KRIT1: variants seen among roughly 807,000 people sequenced by gnomAD.
KRIT1 encodes krev interaction trapped protein 1.
KRIT1 carries 45 observed loss-of-function variants against 95.8 expected under a neutral mutation model. That is an observed-to-expected ratio of 0.47 (90% CI 0.37 to 0.60). The LOEUF (loss-of-function observed/expected upper bound fraction) is 0.60. Among genes scored for constraint, KRIT1 ranks in the 20% least tolerant of loss-of-function variants. The pLI is 0.00. For synonymous variants in KRIT1, 282 were observed against 278.8 expected (o/e 1.01, Z -0.11); for missense variants, 788 against 877.5 (o/e 0.90, Z 1.29).
chr7:92,243,177 A>T (rs1294238545), intron 3 of KRIT1, among the ~76,000 whole-genome samples: 6 of 152,122 alleles, frequency 3.9e-5, no homozygotes, highest in African/African-American at 1.4e-4. Context: ...CGTGTGTGTT[A>T]TGCATATACT....
chr7:92,236,329 A>T (rs1798422828), intron 7 of KRIT1, 84 bp downstream of exon 7: 10 of 877,492 alleles, frequency 1.1e-5, no homozygotes, highest in South Asian at 3.0e-5. Context: ...TTTTCTTCTC[A>T]AAGTGTCTGT....
rs1789911137 is a variant in KRIT1, at chr7:92,200,544, G to C, written c.*192C>G. On this transcript the variant is annotated 3_prime_UTR_variant, in exon 19 of 19. Transcript: ENST00000394505. ...AATTTTTGTATTTTTGTAGAGACAG[G>C]GTTTCACCATGTTGGCCAGGCTGGT... 8.8e-6 allele frequency: 5 copies of C among 570,496 alleles called. No homozygotes were observed. Among genetic ancestry groups the C allele is most frequent in the Non-Finnish European group, 1.6e-5 (5 of 314,868 alleles). The allele number at this position is 570,496 out of a possible 1,614,324, so 35.3% of individuals were successfully genotyped here.
At chr7:92,221,760 TC>T in intron 14 of KRIT1, 141 bp downstream of exon 14, 1 of 699,508 alleles carries the variant, frequency 1.4e-6, no homozygotes, top group South Asian at 1.7e-5. Context: ...TGTAAGTAGA[TC>T]AACTGAAACT....
intron 10 of KRIT1, among the ~76,000 whole-genome samples, chr7:92,234,071 T>G (rs1797895173): frequency 6.6e-6 from 1 of 152,198 alleles, no homozygotes; most frequent in Admixed American, 6.5e-5. Flanking sequence ...AAATCGTAAG[T>G]AGTTAACACA....
chr7:92,231,607 C>T lies in KRIT1; in HGVS notation c.989+2842G>A, dbSNP rs915221213. 2.4e-4 allele frequency among the ~76,000 whole-genome samples: 37 copies of T among 152,260 alleles called. No individual in the cohort carries two copies. The South Asian group carries it at 4.6e-3, about 19-fold the overall frequency. ...CTCTTCACTGTATCACAGTCAAGAGCCCAGTGTCCCCTCCTCGGTCTTTGT... is the reference window on the plus strand; with the variant it reads ...CTCTTCACTGTATCACAGTCAAGAGTCCAGTGTCCCCTCCTCGGTCTTTGT... On this transcript the variant is annotated intron_variant, in intron 10 of 18. Coordinates refer to ENST00000394505, the MANE Select transcript of KRIT1 (RefSeq NM_194454.3).
intron 10 of KRIT1, among the ~76,000 whole-genome samples, chr7:92,228,621 A>G (rs1014517679): frequency 4.6e-5 from 7 of 152,054 alleles, no homozygotes. Context: ...TCTGGGGTAC[A>G]TGTGCGGGTT....
intron 12 of KRIT1, among the ~76,000 whole-genome samples, chr7:92,223,441 T>A (rs1584887694): frequency 8.1e-6 from 1 of 123,520 alleles, no homozygotes. Context: ...AGACTCCATC[T>A]CAAAAAAAAA....
chr7:92,225,469 A>G (rs1249296015), intron 12 of KRIT1, among the ~76,000 whole-genome samples: 1 of 151,938 alleles, frequency 6.6e-6, no homozygotes, highest in African/African-American at 2.4e-5. Context: ...CACCATGCCC[A>G]GCTGATTTTT....
chr7:92,240,730 G>T, intron 5 of KRIT1: 1 of 457,844 alleles, frequency 2.2e-6, no homozygotes. Context: ...AATAGGAATA[G>T]TAGTTAAAAG....
chr7:92,207,946 T>C (rs1791934648), intron 17 of KRIT1, among the ~76,000 whole-genome samples: 1 of 151,980 alleles, frequency 6.6e-6, no homozygotes. Flanking sequence ...GAACACACAT[T>C]CTCCAGGATA....
At chr7:92,234,643 T>C in intron 9 of KRIT1, 51 bp from the exon 10 acceptor site, 3 of 1,533,104 alleles carry the variant, frequency 2.0e-6, no homozygotes, top group Non-Finnish European at 2.7e-6. Context: ...GTAAAAATTG[T>C]TTCAAAAGAA....
At chr7:92,218,007 T>C (rs569165714) in intron 14 of KRIT1, among the ~76,000 whole-genome samples, 1 of 152,366 alleles carries the variant, frequency 6.6e-6, no homozygotes, top group South Asian at 2.1e-4. Context: ...CTAATGATGC[T>C]GAGCATCTTT....
chr7:92,200,681 G>GA lies in KRIT1; in HGVS notation c.*54dup, dbSNP rs1039846647. ...GTAATATTTTAAGAAATCTTTCACG[G>GA]AAAAAAAACTCTGCATTACAAAATG... On this transcript the variant is annotated 3_prime_UTR_variant, in exon 19 of 19. Coordinates refer to ENST00000394505, the MANE Select transcript of KRIT1 (RefSeq NM_194454.3). 4.9e-5 allele frequency: 58 copies of GA among 1,173,014 alleles called. No homozygotes were observed. The highest frequency in any genetic ancestry group is 6.2e-5 in the Non-Finnish European group (48 of 779,424). 72.7% of individuals were successfully genotyped at this position (1,173,014 alleles called of 1,614,324 possible). A position where few individuals can be genotyped will look rare whatever the true frequency, so the allele number is the denominator to read the frequency against.
At position 92,245,051 on chromosome 7, in the gene KRIT1, G is replaced by T. The variant is rs1437876195; in HGVS notation, c.-300C>A. ...GCGTTTGCAAACAGAAACTGTAAAG[G>T]CACATATGCACTCCAGAAGGGTAAG... On this transcript the variant is annotated 5_prime_UTR_variant, in exon 2 of 19. The change creates a premature stop within an existing upstream ORF in the 5' untranslated region. Transcript: ENST00000394505. 1 of 151,814 alleles carries T rather than the reference G, an allele frequency of 6.6e-6. No homozygotes were observed. Among genetic ancestry groups the T allele is most frequent in the Non-Finnish European group, 1.5e-5 (1 of 68,022 alleles). 9.4% of individuals were successfully genotyped at this position (151,814 alleles called of 1,614,324 possible). A position where few individuals can be genotyped will look rare whatever the true frequency, so the allele number is the denominator to read the frequency against.
chr7:92,228,781 CCTT>C (rs1272951985), intron 10 of KRIT1, among the ~76,000 whole-genome samples: 2 of 152,076 alleles, frequency 1.3e-5, no homozygotes, highest in African/African-American at 4.8e-5. Context: ...TTTGCTGTTC[CCTT>C]TTTTGTGCTC....
In KRIT1 at chr7:92,199,796, A is replaced by G. The variant is rs1789786272; in HGVS notation, c.*940T>C. 1 of 152,228 alleles carries G rather than the reference A, an allele frequency of 6.6e-6. No homozygotes were observed. Among genetic ancestry groups the G allele is most frequent in the South Asian group, 2.1e-4 (1 of 4,836 alleles). 9.4% of individuals were successfully genotyped at this position (152,228 alleles called of 1,614,324 possible). A position where few individuals can be genotyped will look rare whatever the true frequency, so the allele number is the denominator to read the frequency against. On this transcript the variant is annotated 3_prime_UTR_variant, in exon 19 of 19. Transcript: ENST00000394505. ...AAACCAAATTTAAGTTCACAAGGCC[A>G]TGCTACTTCCAGAGAGTGAATGCCC...
intron 17 of KRIT1, among the ~76,000 whole-genome samples, chr7:92,203,753 T>C (rs1790738632): frequency 1.3e-5 from 2 of 152,170 alleles, no homozygotes; most frequent in Non-Finnish European, 2.9e-5. Context: ...AGCATCACCA[T>C]CCAGTTCTAT....
Position 92,234,613 on chromosome 7 carries a change from T to G in KRIT1, c.846-21A>C, listed in dbSNP as rs200144826. The G allele has an allele frequency of 1.3e-5, 21 of 1,604,096 alleles. No individual in the cohort carries two copies. In the South Asian group the frequency reaches 2.2e-4, roughly 17 times the overall value. On this transcript the variant is annotated intron_variant, in intron 9 of 18. Coordinates refer to ENST00000394505, the MANE Select transcript of KRIT1 (RefSeq NM_194454.3). The stretch of plus-strand genomic sequence containing the variant: ...GTTCCCTAATCATTAAAAAGAAATT[T>G]TGAAAAATACAACAGGACTGTAAAA...
intron 12 of KRIT1, among the ~76,000 whole-genome samples, chr7:92,223,906 C>T (rs1445006308): frequency 6.6e-6 from 1 of 152,156 alleles, no homozygotes; most frequent in Admixed American, 6.5e-5. Context: ...GATAAAAGAA[C>T]TTCACCCCTC....
Sources: allele counts gnomAD v4.1 joint callset (sites outside exome capture counted in the v4.1 genomes callset), GRCh38; gene constraint gnomAD v4.1.1; transcripts MANE v1.5; gene names NCBI Gene and HGNC (gene_info 2026-07-23, HGNC 2026-07-21).